Variants in PLD5 observed in about 807,000 individuals in gnomAD.
PLD5 encodes phospholipase D family member 5.
Under a neutral mutation model 61.1 loss-of-function variants are expected in PLD5, and 36 were observed. The ratio of observed to expected loss-of-function variants is 0.59; its 90% confidence interval spans 0.45 to 0.78. The LOEUF is 0.78. Among genes scored for constraint, PLD5 ranks in the 30% least tolerant of loss-of-function variants. The pLI, the probability that PLD5 is intolerant of heterozygous loss-of-function variation, is 0.00. For synonymous variants in PLD5, 243 were observed against 242.8 expected (o/e 1.00, Z -0.01); for missense variants, 515 against 644.4 (o/e 0.80, Z 2.17).
In PLD5 at chr1:242,089,906, G is replaced by A; in HGVS notation, c.1559C>T (p.Ser520Phe). 6.2e-7 allele frequency: 1 copy of A among 1,614,182 alleles called. No individual in the cohort carries two copies. The highest frequency in any genetic ancestry group is 1.1e-5 in the South Asian group (1 of 91,088). ...TGTGTCGTCTGTGGCAGTTTTGTTG[G>A]AGAGGGGTTTGAGTTTGAACAGGCT... ...CSSLFKLKPLSNKTATDDTGG... is the reference protein window; with the variant it reads ...CSSLFKLKPLFNKTATDDTGG... The change falls in exon 10 of 10, where the codon TCC becomes TTC. Residue 520 changes from serine (S) to phenylalanine (F), a missense_variant. Transcript: ENST00000536534.
rs146726631 is a variant in PLD5 at position 242,415,292 on chromosome 1, G to A, written c.190-67050C>T. Among the ~76,000 whole-genome samples the A allele has an allele frequency of 5.1e-4, 77 of 152,152 alleles. 1 individual carries two copies. Among genetic ancestry groups the A allele is most frequent in the African/African-American group, 1.7e-3 (71 of 41,512 alleles). On this transcript the variant is annotated intron_variant, in intron 1 of 9. Coordinates refer to ENST00000536534, the MANE Select transcript of PLD5 (RefSeq NM_001372062.1). ...AGTCACTGGTTAGAAAGATATATCT[G>A]AAAAGAATGAACTGCAGGACTCTGT...
At chr1:242,280,488 C>T (rs2841916) in intron 3 of PLD5, among the ~76,000 whole-genome samples, 87,670 of 151,902 alleles carry the variant, frequency 0.58, 25,823 homozygotes, top group African/African-American at 0.69. Context: ...ACAAACTAGA[C>T]GGTAGGAAGT....
intron 5 of PLD5, among the ~76,000 whole-genome samples, chr1:242,184,285 T>C (rs12135329): frequency 0.26 from 39,738 of 152,242 alleles, 5,655 homozygotes; most frequent in South Asian, 0.39. Context: ...CTTGAAGATT[T>C]GAAATATCCA....
intron 1 of PLD5, among the ~76,000 whole-genome samples, chr1:242,488,913 CTT>C (rs988234632): frequency 3.3e-5 from 5 of 151,886 alleles, no homozygotes; most frequent in African/African-American, 7.2e-5. Flanking sequence ...AGTAAAGACT[CTT>C]TTTTAAAATT....
intron 7 of PLD5, 49 bp downstream of exon 7, chr1:242,113,841 G>T (rs1314236698): frequency 6.4e-7 from 1 of 1,571,888 alleles, no homozygotes; most frequent in African/African-American, 1.4e-5. Context: ...CCAGTTTAGT[G>T]CCTGGTCTTA....
chr1:242,133,004 C>A (rs1467650882), intron 5 of PLD5, among the ~76,000 whole-genome samples: 1 of 148,784 alleles, frequency 6.7e-6, no homozygotes, highest in Non-Finnish European at 1.5e-5. Context: ...TTGCAGCCAC[C>A]CCTCCCACTC....
chr1:242,107,211 C>T (rs1037092591), intron 8 of PLD5, among the ~76,000 whole-genome samples: 4 of 152,072 alleles, frequency 2.6e-5, no homozygotes, highest in Non-Finnish European at 5.9e-5. Context: ...TGCGGTGGCT[C>T]ATGTTGGTAG....
At chr1:242,374,231 C>G (rs553757320) in intron 1 of PLD5, among the ~76,000 whole-genome samples, 1 of 152,278 alleles carries the variant, frequency 6.6e-6, no homozygotes, top group Non-Finnish European at 1.5e-5. Context: ...CACAAACCAC[C>G]TGAACTCCTA....
chr1:242,296,169 T>C (rs1219242513), intron 2 of PLD5, among the ~76,000 whole-genome samples: 1 of 152,190 alleles, frequency 6.6e-6, no homozygotes, highest in African/African-American at 2.4e-5. Flanking sequence ...ATGTTGGGCA[T>C]TTTTCTTATG....
chr1:242,348,864 CT>C (rs1192727752), intron 1 of PLD5, among the ~76,000 whole-genome samples: 12 of 152,174 alleles, frequency 7.9e-5, no homozygotes, highest in Non-Finnish European at 1.8e-4. Context: ...ACCGTCCTGG[CT>C]AACACGGTGA....
At chr1:242,155,467 G>A (rs1287356427) in intron 5 of PLD5, among the ~76,000 whole-genome samples, 1 of 152,030 alleles carries the variant, frequency 6.6e-6, no homozygotes, top group African/African-American at 2.4e-5. Flanking sequence ...GATCTTTCCT[G>A]CTTTCTCTTG....
chr1:242,350,896 T>TC (rs1660436217), intron 1 of PLD5, among the ~76,000 whole-genome samples: 1 of 124,568 alleles, frequency 8.0e-6, no homozygotes, highest in Non-Finnish European at 1.9e-5. Flanking sequence ...TCTGTTTTAT[T>TC]CTTTTTTTTT....
At chr1:242,279,823 C>G (rs1432706221) in intron 3 of PLD5, among the ~76,000 whole-genome samples, 1 of 152,218 alleles carries the variant, frequency 6.6e-6, no homozygotes, top group African/African-American at 2.4e-5. Context: ...TTGGCCACCA[C>G]GCCCGGCATC....
At chr1:242,103,895 G>A (rs914942713) in intron 8 of PLD5, among the ~76,000 whole-genome samples, 14 of 152,114 alleles carry the variant, frequency 9.2e-5, no homozygotes, top group South Asian at 2.1e-4. Flanking sequence ...CAGACTATTC[G>A]GGAGATTAAG....
chr1:242,190,138 CTTTTTTTTT>C (rs902616187), intron 5 of PLD5, among the ~76,000 whole-genome samples: 7 of 74,382 alleles, frequency 9.4e-5, no homozygotes, highest in African/African-American at 4.0e-4. Flanking sequence ...GACAGGACTC[CTTTTTTTTT>C]TTTTTTTTTT....
At chr1:242,248,516 T>C (rs186548474) in intron 4 of PLD5, among the ~76,000 whole-genome samples, 1 of 152,202 alleles carries the variant, frequency 6.6e-6, no homozygotes, top group South Asian at 2.1e-4. Context: ...CTGATCAATG[T>C]TATTTCTGCA....
intron 5 of PLD5, among the ~76,000 whole-genome samples, chr1:242,134,102 C>T (rs557927723): frequency 2.0e-5 from 3 of 152,162 alleles, no homozygotes; most frequent in Admixed American, 2.0e-4. Context: ...TGACAAAACA[C>T]TGGGCAAGAC....
At chr1:242,264,477 T>C (rs986434451) in intron 4 of PLD5, among the ~76,000 whole-genome samples, 1 of 152,178 alleles carries the variant, frequency 6.6e-6, no homozygotes, top group Admixed American at 6.5e-5. Context: ...CTTATTTGAT[T>C]CCTGTTCTGT....
At chr1:242,287,137 A>G (rs544309749) in intron 3 of PLD5, among the ~76,000 whole-genome samples, 1 of 152,258 alleles carries the variant, frequency 6.6e-6, no homozygotes, top group South Asian at 2.1e-4. Flanking sequence ...AAGATGATTT[A>G]CTGAATCATG....
Sources: allele counts gnomAD v4.1 joint callset (sites outside exome capture counted in the v4.1 genomes callset), GRCh38; gene constraint gnomAD v4.1.1; transcripts MANE v1.5; gene names NCBI Gene and HGNC (gene_info 2026-07-23, HGNC 2026-07-21).